The following OSBPL3 variants were observed in gnomAD, a reference collection of about 807,000 sequenced individuals.
OSBPL3 encodes oxysterol-binding protein-related protein 3.
OSBPL3 carries 65 observed loss-of-function variants against 120.1 expected under a neutral mutation model. The ratio of observed to expected loss-of-function variants is 0.54; its 90% CI spans 0.44 to 0.67. OSBPL3 has a LOEUF of 0.67. OSBPL3 is among the 30% of genes least tolerant of loss of function. The probability of loss-of-function intolerance (pLI) is 0.00; values close to 1 mark genes in which losing one functional copy is unlikely to be tolerated. For missense variants in OSBPL3, 1,004 were observed against 1,082.1 expected (o/e 0.93, Z 1.01); for synonymous variants, 416 against 402.6 (o/e 1.03, Z -0.40).
At chr7:24,865,299 T>C (rs536806451) in intron 7 of OSBPL3, 43 bp downstream of exon 7, 4 of 1,605,286 alleles carry the variant, frequency 2.5e-6, no homozygotes, top group African/African-American at 1.3e-5. Flanking sequence ...ACCAGTATCA[T>C]CTAATAGCCA....
chr7:24,805,601 T>C lies in OSBPL3; in HGVS notation c.2445-1164A>G, dbSNP rs539451507. On this transcript the variant is annotated intron_variant, in intron 21 of 22. Transcript: ENST00000313367. This position sits in a 1 kb window ranked among gnomAD's most constrained non-coding sequence, Gnocchi z 4.0. ...TACAAAAAATACTTCCCTAAAAAAG[T>C]AGACAAACTGCACGAAACAGTACAA... Among the ~76,000 whole-genome samples the C allele has an allele frequency of 4.6e-5, 7 of 152,142 alleles. No homozygotes were observed. The highest frequency in any genetic ancestry group is 8.8e-5 in the Non-Finnish European group (6 of 68,020).
intron 1 of OSBPL3, among the ~76,000 whole-genome samples, chr7:24,941,390 C>T (rs1813092211): frequency 6.6e-6 from 1 of 152,062 alleles, no homozygotes; most frequent in Non-Finnish European, 1.5e-5. Flanking sequence ...CTTTCTACTC[C>T]TGCTGCTCCC....
intron 10 of OSBPL3, among the ~76,000 whole-genome samples, chr7:24,859,530 T>C (rs1800245390): frequency 6.6e-6 from 1 of 152,178 alleles, no homozygotes; most frequent in African/African-American, 2.4e-5. Context: ...TGAGGACATC[T>C]TTCTACAACT....
intron 2 of OSBPL3, among the ~76,000 whole-genome samples, chr7:24,875,576 T>C (rs958157897): frequency 1.3e-5 from 2 of 152,194 alleles, no homozygotes; most frequent in Admixed American, 1.3e-4. Context: ...TTGGACATAG[T>C]GGCTCATGCC....
chr7:24,938,765 G>A lies in OSBPL3; in HGVS notation c.-150+41121C>T, dbSNP rs1812711822. On this transcript the variant is annotated intron_variant, in intron 1 of 22. Transcript: ENST00000313367. This position sits in a 1 kb window ranked among gnomAD's most constrained non-coding sequence, Gnocchi z 5.8. The stretch of plus-strand genomic sequence containing the variant: ...CTAGCTGCAAGGAAAACTGAATAAT[G>A]AGGTTTTGTTTTGATGTGTGTGTGT... 7.3e-6 allele frequency among the ~76,000 whole-genome samples: 1 copy of A among 136,874 alleles called. No homozygotes were observed. The highest frequency in any genetic ancestry group is 2.7e-5 in the African/African-American group (1 of 36,722). 89.8% of individuals were successfully genotyped at this position (136,874 alleles called of 152,430 possible).
chr7:24,809,177 C>A lies in OSBPL3; in HGVS notation c.2317+630G>T, dbSNP rs538767163. 4.6e-5 allele frequency among the ~76,000 whole-genome samples: 7 copies of A among 152,282 alleles called. No individual in the cohort carries two copies. The South Asian group carries it at 1.5e-3, about 32-fold the overall frequency. The stretch of plus-strand genomic sequence containing the variant: ...TTTTTACCAGCCTGAAGCATCCTAA[C>A]AGTTATATCTCAGAACAATGGTTTA... On this transcript the variant is annotated intron_variant, in intron 20 of 22. Coordinates refer to ENST00000313367, the MANE Select transcript of OSBPL3 (RefSeq NM_015550.4).
chr7:24,903,565 T>C (rs541199063), intron 1 of OSBPL3, among the ~76,000 whole-genome samples: 6 of 152,364 alleles, frequency 3.9e-5, no homozygotes, highest in South Asian at 2.1e-4. Context: ...CTTGGTTTTC[T>C]ACCTTGTTCA....
Position 24,834,837 on chromosome 7 carries a change from AC to A in OSBPL3, c.1496-102del. 1 of 1,088,774 alleles carries A rather than the reference AC, an allele frequency of 9.2e-7. No homozygotes were observed. Among genetic ancestry groups the A allele is most frequent in the East Asian group, 2.6e-5 (1 of 38,208 alleles). The allele number at this position is 1,088,774 out of a possible 1,614,324, so 67.4% of individuals were successfully genotyped here. On this transcript the variant is annotated intron_variant, in intron 14 of 22. Transcript: ENST00000313367. This position sits in a 1 kb window ranked among gnomAD's most constrained non-coding sequence, Gnocchi z 5.2. ...CCTTACGTAGCAAGTAGTCAATGTT[AC>A]TATTAAACTCAGTTGTTCAGAGTAT...
rs1267586683 is a variant in OSBPL3 at position 24,946,063 on chromosome 7, T to C, written c.-150+33823A>G. 1.3e-5 allele frequency among the ~76,000 whole-genome samples: 2 copies of C among 152,118 alleles called. No homozygotes were observed. Among genetic ancestry groups the C allele is most frequent in the Admixed American group, 6.6e-5 (1 of 15,266 alleles). On this transcript the variant is annotated intron_variant, in intron 1 of 22. Transcript: ENST00000313367. This position sits in a 1 kb window ranked among gnomAD's most constrained non-coding sequence, Gnocchi z 4.3. ...CTGGAGCTAGGTGGGGCTAGAGTCATCTGAAGGCTCAGCTGGGTAGGTGTC... is the reference window on the plus strand; with the variant it reads ...CTGGAGCTAGGTGGGGCTAGAGTCACCTGAAGGCTCAGCTGGGTAGGTGTC...
intron 12 of OSBPL3, among the ~76,000 whole-genome samples, chr7:24,843,609 A>C (rs1798049550): frequency 6.6e-6 from 1 of 152,208 alleles, no homozygotes; most frequent in Non-Finnish European, 1.5e-5. Context: ...TGCTTGCTTC[A>C]GTTTATTAAT....
chr7:24,929,279 A>G (rs1811484099), intron 1 of OSBPL3, among the ~76,000 whole-genome samples: 1 of 152,218 alleles, frequency 6.6e-6, no homozygotes, highest in Non-Finnish European at 1.5e-5. Flanking sequence ...GAACACAGGC[A>G]ATGTGGTATA....
At position 24,900,386 on chromosome 7, in the gene OSBPL3, C is replaced by T. The variant is rs1584551601; in HGVS notation, c.-149-7765G>A. On this transcript the variant is annotated intron_variant, in intron 1 of 22. Transcript: ENST00000313367. The surrounding 1 kb of genome is among the most constrained non-coding windows in gnomAD (Gnocchi z 4.5). ...CCAGAAATATGCCACAGGAAACATG[C>T]CATTGTTTTTATCAATTAGCCTACG... Among the ~76,000 whole-genome samples, 1 of 152,094 alleles carries T rather than the reference C, an allele frequency of 6.6e-6. No homozygotes were observed. The highest frequency in any genetic ancestry group is 2.4e-5 in the African/African-American group (1 of 41,404).
intron 16 of OSBPL3, among the ~76,000 whole-genome samples, chr7:24,823,524 T>C (rs961390777): frequency 6.6e-6 from 1 of 152,104 alleles, no homozygotes; most frequent in African/African-American, 2.4e-5. Flanking sequence ...ACTCCAAACC[T>C]ATGTCATCCT....
chr7:24,958,991 G>A (rs1170331628), intron 1 of OSBPL3, among the ~76,000 whole-genome samples: 1 of 152,146 alleles, frequency 6.6e-6, no homozygotes. Flanking sequence ...TAAGATCAAA[G>A]TATTAAGGGG....
Position 24,806,695 on chromosome 7 carries a change from T to A in OSBPL3, c.2444+81A>T. On this transcript the variant is annotated intron_variant, in intron 21 of 22. Transcript: ENST00000313367. The surrounding 1 kb of genome is among the most constrained non-coding windows in gnomAD (Gnocchi z 5.2). ...ATTTTCCACCTTTCTCAGGTGCCTCTGGTGGCCTAAGGATTGTTAATAAGA... is the reference window on the plus strand; with the variant it reads ...ATTTTCCACCTTTCTCAGGTGCCTCAGGTGGCCTAAGGATTGTTAATAAGA... 1.4e-5 allele frequency: 19 copies of A among 1,321,262 alleles called. No individual in the cohort carries two copies. The highest frequency in any genetic ancestry group is 2.0e-5 in the Non-Finnish European group (19 of 953,872). 81.8% of individuals were successfully genotyped at this position (1,321,262 alleles called of 1,614,324 possible). A position where few individuals can be genotyped will look rare whatever the true frequency, so the allele number is the denominator to read the frequency against.
rs1337441139 is a variant in OSBPL3 at position 24,861,727 on chromosome 7, T to C, written c.913A>G (p.Asn305Asp). 1 of 1,611,734 alleles carries C rather than the reference T, an allele frequency of 6.2e-7. No individual in the cohort carries two copies. The highest frequency in any genetic ancestry group is 8.5e-7 in the Non-Finnish European group (1 of 1,178,518). ...AAATCTAGTGTTGACAAATTAGGAT[T>C]GGAGGAGTGTAGTCTTACTGGGCCA... ...FSGPVRLHSS[N>D]PNLSTLDFGE... is the part of the protein sequence containing the mutation. The change falls in exon 10 of 23, where the codon AAT becomes GAT. Residue 305 changes from asparagine to aspartate, a missense_variant. Coordinates refer to ENST00000313367, the MANE Select transcript of OSBPL3 (RefSeq NM_015550.4).
In OSBPL3 at chr7:24,877,993, C is replaced by T. The variant is rs1803081153; in HGVS notation, c.97-5924G>A. On this transcript the variant is annotated intron_variant, in intron 2 of 22. Coordinates refer to ENST00000313367, the MANE Select transcript of OSBPL3 (RefSeq NM_015550.4). The surrounding 1 kb of genome is among the most constrained non-coding windows in gnomAD (Gnocchi z 4.8). ...GGGATGTGGCTTCTTAAGGTTTTTG[C>T]ATGAGTTTCACTGAAGACAGTCTGG... is the stretch of plus-strand genomic sequence containing the variant. Among the ~76,000 whole-genome samples the T allele has an allele frequency of 6.6e-6, 1 of 152,154 alleles. No individual in the cohort carries two copies. Among genetic ancestry groups the T allele is most frequent in the South Asian group, 2.1e-4 (1 of 4,814 alleles).
rs1041089429 is a variant in OSBPL3, at chr7:24,854,773, T to G, written c.1028-2139A>C. Among the ~76,000 whole-genome samples the G allele has an allele frequency of 6.6e-6, 1 of 152,240 alleles. No homozygotes were observed. Among genetic ancestry groups the G allele is most frequent in the African/African-American group, 2.4e-5 (1 of 41,462 alleles). The stretch of plus-strand genomic sequence containing the variant: ...ACCTTGGATGAGTAAATGATGTGCC[T>G]GAACCCTGGTTTCCACATTTGTAAA... On this transcript the variant is annotated intron_variant, in intron 10 of 22. Transcript: ENST00000313367. This position sits in a 1 kb window ranked among gnomAD's most constrained non-coding sequence, Gnocchi z 4.1.
chr7:24,797,412 T>TCCC lies in OSBPL3; in HGVS notation c.*2768_*2770dup, dbSNP rs1791833239. 1 of 152,190 alleles carries TCCC rather than the reference T, an allele frequency of 6.6e-6. No homozygotes were observed. Among genetic ancestry groups the TCCC allele is most frequent in the Admixed American group, 6.5e-5 (1 of 15,284 alleles). The allele number at this position is 152,190 out of a possible 1,614,324, so 9.4% of individuals were successfully genotyped here. The stretch of plus-strand genomic sequence containing the variant: ...GGGTACTTCTTGCCCTCAGGTGAAC[T>TCCC]CCCATCTCTTTAGTTAGGACCAGAA... On this transcript the variant is annotated 3_prime_UTR_variant, in exon 23 of 23. Coordinates refer to ENST00000313367, the MANE Select transcript of OSBPL3 (RefSeq NM_015550.4). The surrounding 1 kb of genome is among the most constrained non-coding windows in gnomAD (Gnocchi z 4.8).
Sources: allele counts gnomAD v4.1 joint callset (sites outside exome capture counted in the v4.1 genomes callset), GRCh38; gene constraint gnomAD v4.1.1; non-coding constraint Gnocchi (gnomAD v3.1); transcripts MANE v1.5; gene names NCBI Gene and HGNC (gene_info 2026-07-23, HGNC 2026-07-21).